GRM7: variants seen among roughly 807,000 people sequenced by gnomAD.
GRM7 encodes the protein metabotropic glutamate receptor 7.
GRM7 carries 35 observed loss-of-function variants against 84.5 expected under a neutral mutation model. The ratio of observed to expected loss-of-function variants is 0.41; its 90% CI spans 0.32 to 0.55. The LOEUF (loss-of-function observed/expected upper bound fraction) is 0.55, where lower values mean the gene tolerates loss of function less well. Ranked by LOEUF, GRM7 falls within the 20% of genes least tolerant of loss-of-function variation. The probability of loss-of-function intolerance (pLI) is 0.19; values close to 1 mark genes in which losing one functional copy is unlikely to be tolerated. For synonymous variants in GRM7, 487 were observed against 455.1 expected, an observed-to-expected ratio of 1.07 and a Z score of -0.89; for missense variants, 1,003 against 1,194.6, an observed-to-expected ratio of 0.84 and a Z score of 2.36.
At chr3:7,337,545 A>G (rs1701468923) in intron 4 of GRM7, among the ~76,000 whole-genome samples, 1 of 152,070 alleles carries the variant, frequency 6.6e-6, no homozygotes, top group Non-Finnish European at 1.5e-5. Context: ...AAAAATCTAT[A>G]AGGAACTCAA....
chr3:7,692,963 A>ATCTT (rs963737304), intron 9 of GRM7, among the ~76,000 whole-genome samples: 2 of 150,398 alleles, frequency 1.3e-5, no homozygotes. Flanking sequence ...AGTGAGATGC[A>ATCTT]TCTTTCTTTC....
intron 4 of GRM7, among the ~76,000 whole-genome samples, chr3:7,374,581 C>A (rs956817030): frequency 4.6e-5 from 7 of 151,612 alleles, no homozygotes; most frequent in Non-Finnish European, 8.8e-5. Flanking sequence ...AGGGTTCAAG[C>A]GATTCTTCTG....
intron 7 of GRM7, among the ~76,000 whole-genome samples, chr3:7,555,032 C>T (rs1397568969): frequency 6.6e-6 from 1 of 152,152 alleles, no homozygotes; most frequent in African/African-American, 2.4e-5. Context: ...AGTCAGACAG[C>T]CAGGGTCTCC....
rs565294285 is a variant in GRM7, at chr3:7,146,303, G to T, written c.520-149G>T. ...GCGAAGAAGTAGATGGTTGCATTTAGGTGGTCTAAAATTACATGGTGGTGT... is the reference window on the plus strand; with the variant it reads ...GCGAAGAAGTAGATGGTTGCATTTATGTGGTCTAAAATTACATGGTGGTGT... On this transcript the variant is annotated intron_variant, in intron 1 of 9. Coordinates refer to ENST00000357716, the MANE Select transcript of GRM7 (RefSeq NM_000844.4). The T allele has an allele frequency of 5.1e-5, 33 of 641,358 alleles. No individual in the cohort carries two copies. The South Asian group carries it at 5.8e-4, about 11-fold the overall frequency. 39.7% of individuals were successfully genotyped at this position (641,358 alleles called of 1,614,324 possible).
At chr3:7,130,061 T>C (rs1015887703) in intron 1 of GRM7, among the ~76,000 whole-genome samples, 4 of 152,196 alleles carry the variant, frequency 2.6e-5, no homozygotes, top group Non-Finnish European at 4.4e-5. Context: ...TAAATAACTT[T>C]TCCTCTCTGA....
chr3:7,412,298 T>C (rs1486312807), intron 4 of GRM7, among the ~76,000 whole-genome samples: 1 of 152,198 alleles, frequency 6.6e-6, no homozygotes, highest in Non-Finnish European at 1.5e-5. Context: ...AAGGCAGCCA[T>C]CAGGACTCCT....
At chr3:7,270,314 C>A (rs1296718409) in intron 2 of GRM7, among the ~76,000 whole-genome samples, 3 of 152,172 alleles carry the variant, frequency 2.0e-5, no homozygotes, top group Admixed American at 6.5e-5. Flanking sequence ...TAGTGCTCCA[C>A]TAGAGTCTAG....
chr3:7,116,685 T>C (rs140409757), intron 1 of GRM7, among the ~76,000 whole-genome samples: 5 of 152,338 alleles, frequency 3.3e-5, no homozygotes, highest in Admixed American at 1.3e-4. Context: ...TATCGTACTA[T>C]GAAGATTTTG....
chr3:7,740,183 G>C (rs980424090), intron 9 of GRM7, among the ~76,000 whole-genome samples, 174 bp from the exon 10 acceptor site: 4 of 152,212 alleles, frequency 2.6e-5, no homozygotes, highest in African/African-American at 7.2e-5. Flanking sequence ...GGGAACCACA[G>C]ATTTTGGTGG....
At chr3:7,462,321 C>T in intron 7 of GRM7, among the ~76,000 whole-genome samples, 1 of 152,092 alleles carries the variant, frequency 6.6e-6, no homozygotes, top group South Asian at 2.1e-4. Flanking sequence ...TCTATTTAGG[C>T]CTTGAAATAA....
intron 4 of GRM7, among the ~76,000 whole-genome samples, chr3:7,399,650 T>C (rs1695363634): frequency 6.6e-6 from 1 of 152,170 alleles, no homozygotes; most frequent in Non-Finnish European, 1.5e-5. Context: ...GGATCCCTCA[T>C]GAGTGGCTAG....
At chr3:7,451,299 A>G (rs1044552355) in intron 5 of GRM7, among the ~76,000 whole-genome samples, 8 of 152,140 alleles carry the variant, frequency 5.3e-5, no homozygotes, top group South Asian at 2.1e-4. Flanking sequence ...AAACAAGAAA[A>G]ATGTCTTGGA....
chr3:7,048,625 G>A (rs757923722), intron 1 of GRM7, among the ~76,000 whole-genome samples: 2 of 151,644 alleles, frequency 1.3e-5, no homozygotes, highest in Admixed American at 6.6e-5. Flanking sequence ...TATTTATATT[G>A]TACAACATAA....
At chr3:7,484,534 T>C (rs1263345416) in intron 7 of GRM7, among the ~76,000 whole-genome samples, 1 of 152,168 alleles carries the variant, frequency 6.6e-6, no homozygotes, top group Non-Finnish European at 1.5e-5. Context: ...TACATCACTC[T>C]AAACCCCTGA....
At chr3:7,625,188 C>G (rs1374004989) in intron 8 of GRM7, among the ~76,000 whole-genome samples, 2 of 152,134 alleles carry the variant, frequency 1.3e-5, no homozygotes. Flanking sequence ...TTAGAACACT[C>G]TGGTAGCTGT....
chr3:7,258,369 A>G (rs1027441571), intron 2 of GRM7, among the ~76,000 whole-genome samples: 1 of 152,136 alleles, frequency 6.6e-6, no homozygotes, highest in African/African-American at 2.4e-5. Context: ...CTTTATGCCA[A>G]CATTTGAAAA....
intron 1 of GRM7, among the ~76,000 whole-genome samples, chr3:6,965,663 C>T (rs960643846): frequency 7.2e-5 from 11 of 152,068 alleles, no homozygotes; most frequent in African/African-American, 2.2e-4. Context: ...GCAGGCACTT[C>T]CTGCCTGCAC....
At chr3:7,734,227 C>T (rs547169260) in intron 9 of GRM7, among the ~76,000 whole-genome samples, 1 of 126,714 alleles carries the variant, frequency 7.9e-6, no homozygotes, top group South Asian at 2.6e-4. Flanking sequence ...GGAAGGGGTG[C>T]CAATTTGCTT....
chr3:7,727,437 A>G (rs1195893690), intron 9 of GRM7, among the ~76,000 whole-genome samples: 1 of 152,200 alleles, frequency 6.6e-6, no homozygotes, highest in African/African-American at 2.4e-5. Flanking sequence ...ACACCCTGAA[A>G]TTCACTGGTG....
Sources: allele counts gnomAD v4.1 joint callset (sites outside exome capture counted in the v4.1 genomes callset), GRCh38; gene constraint gnomAD v4.1.1; transcripts MANE v1.5; gene names NCBI Gene and HGNC (gene_info 2026-07-23, HGNC 2026-07-21).